The following UBE2E2 variants were observed in gnomAD, a reference collection of about 807,000 sequenced individuals.
UBE2E2 encodes ubiquitin-conjugating enzyme E2 E2.
A neutral mutation model predicts 24.7 loss-of-function variants in UBE2E2; 6 were observed. The ratio of observed to expected loss-of-function variants is 0.24; its 90% CI spans 0.13 to 0.48. The LOEUF is 0.48. UBE2E2 is among the 20% of genes least tolerant of loss of function. UBE2E2 has a pLI of 0.99. For missense variants in UBE2E2, 169 were observed against 245.0 expected (o/e 0.69, Z 2.07); for synonymous variants, 104 against 83.6 (o/e 1.24, Z -1.33).
At chr3:23,561,452 C>G (rs1417539116) in intron 5 of UBE2E2, among the ~76,000 whole-genome samples, 1 of 152,132 alleles carries the variant, frequency 6.6e-6, no homozygotes, top group East Asian at 1.9e-4. Context: ...GGTACCAGTA[C>G]CATGCTGTTT....
intron 3 of UBE2E2, among the ~76,000 whole-genome samples, chr3:23,345,724 T>A (rs1259940640): frequency 3.9e-5 from 6 of 152,226 alleles, no homozygotes; most frequent in Admixed American, 3.9e-4. Context: ...ATTTTTTTAA[T>A]GTCATGTTAA....
intron 5 of UBE2E2, among the ~76,000 whole-genome samples, chr3:23,563,776 G>C (rs1026504314): frequency 6.6e-6 from 1 of 151,984 alleles, no homozygotes; most frequent in Admixed American, 6.6e-5. Context: ...AAATTAAAAG[G>C]ATCATTTATT....
intron 3 of UBE2E2, among the ~76,000 whole-genome samples, chr3:23,326,992 A>C (rs1694908455): frequency 6.6e-6 from 1 of 152,186 alleles, no homozygotes; most frequent in Non-Finnish European, 1.5e-5. Context: ...GTCCCTGCAA[A>C]GGACATGAAC....
At chr3:23,445,071 A>C (rs777572128) in intron 3 of UBE2E2, among the ~76,000 whole-genome samples, 7 of 152,170 alleles carry the variant, frequency 4.6e-5, no homozygotes, top group Non-Finnish European at 8.8e-5. Context: ...TGTCATATTG[A>C]GTGGTTGTCA....
intron 3 of UBE2E2, among the ~76,000 whole-genome samples, chr3:23,383,440 G>T (rs994444761): frequency 5.3e-5 from 8 of 151,176 alleles, no homozygotes; most frequent in Non-Finnish European, 1.2e-4. Context: ...AATAGAAGCC[G>T]ATTGACTTTT....
intron 3 of UBE2E2, among the ~76,000 whole-genome samples, chr3:23,229,288 A>T (rs1696913386): frequency 6.6e-6 from 1 of 152,068 alleles, no homozygotes; most frequent in South Asian, 2.1e-4. Context: ...TTTATTATTT[A>T]TTTTAAGTTT....
At chr3:23,328,662 C>CTTTTTT (rs11433089) in intron 3 of UBE2E2, among the ~76,000 whole-genome samples, 8 of 145,426 alleles carry the variant, frequency 5.5e-5, no homozygotes, top group Non-Finnish European at 4.5e-5. Flanking sequence ...CTCTCTCTCT[C>CTTTTTT]TTTTTTTTTT....
chr3:23,390,181 C>T (rs897664302), intron 3 of UBE2E2, among the ~76,000 whole-genome samples: 8 of 152,124 alleles, frequency 5.3e-5, no homozygotes, highest in African/African-American at 1.7e-4. Context: ...AAGGCCCCAC[C>T]CCTAAGCCTG....
intron 5 of UBE2E2, among the ~76,000 whole-genome samples, chr3:23,545,387 TAAG>T (rs768352501): frequency 2.0e-5 from 3 of 152,226 alleles, no homozygotes; most frequent in Non-Finnish European, 2.9e-5. Context: ...TGATGACTCT[TAAG>T]GAGCATGCTG....
chr3:23,302,173 TA>T (rs1699115202), intron 3 of UBE2E2, among the ~76,000 whole-genome samples: 2 of 152,180 alleles, frequency 1.3e-5, no homozygotes, highest in African/African-American at 4.8e-5. Context: ...CTTCCAGCCA[TA>T]TCCAGTCTGT....
chr3:23,240,450 A>G (rs1174370539), intron 3 of UBE2E2, among the ~76,000 whole-genome samples: 2 of 152,194 alleles, frequency 1.3e-5, no homozygotes, highest in Non-Finnish European at 1.5e-5. Context: ...TGCTTTTACT[A>G]TCAATACTCA....
chr3:23,507,340 T>C (rs948637896), intron 4 of UBE2E2, among the ~76,000 whole-genome samples: 1 of 152,198 alleles, frequency 6.6e-6, no homozygotes, highest in East Asian at 1.9e-4. Context: ...TGGTGTTATA[T>C]ATTTCTTTGT....
chr3:23,299,197 G>A (rs1033320435), intron 3 of UBE2E2, among the ~76,000 whole-genome samples: 1 of 152,034 alleles, frequency 6.6e-6, no homozygotes, highest in African/African-American at 2.4e-5. Flanking sequence ...AGTCTTGCTG[G>A]CGGTCTATCA....
intron 5 of UBE2E2, among the ~76,000 whole-genome samples, chr3:23,538,110 C>CA (rs200503711): frequency 1.3e-5 from 2 of 149,770 alleles, no homozygotes; most frequent in African/African-American, 2.5e-5. Flanking sequence ...AGCAGGACTA[C>CA]AAAAAAAAAA....
intron 3 of UBE2E2, among the ~76,000 whole-genome samples, chr3:23,466,856 C>A (rs944477402): frequency 2.6e-5 from 4 of 151,926 alleles, no homozygotes; most frequent in Non-Finnish European, 5.9e-5. Flanking sequence ...CATGAGCCAC[C>A]GCACTCGGCA....
intron 3 of UBE2E2, among the ~76,000 whole-genome samples, chr3:23,490,167 A>G (rs1403596693): frequency 6.6e-6 from 1 of 152,216 alleles, no homozygotes; most frequent in African/African-American, 2.4e-5. Context: ...CTTCTGTGTT[A>G]TAAAAAAATT....
intron 2 of UBE2E2, among the ~76,000 whole-genome samples, chr3:23,214,944 T>G (rs1000050937): frequency 1.4e-4 from 21 of 152,168 alleles, no homozygotes; most frequent in African/African-American, 5.1e-4. Context: ...CTCATTGAAT[T>G]GTTAATTGAA....
At chr3:23,496,412 C>T (rs530932492) in intron 3 of UBE2E2, among the ~76,000 whole-genome samples, 6 of 152,146 alleles carry the variant, frequency 3.9e-5, no homozygotes, top group African/African-American at 9.7e-5. Flanking sequence ...AACCTCTGCT[C>T]CTACCCAGGA....
chr3:23,354,558 A>C (rs1695878186), intron 3 of UBE2E2, among the ~76,000 whole-genome samples: 1 of 152,246 alleles, frequency 6.6e-6, no homozygotes, highest in Non-Finnish European at 1.5e-5. Context: ...CCCATCAAAA[A>C]GTGGGCGAAG....
Sources: allele counts gnomAD v4.1 joint callset (sites outside exome capture counted in the v4.1 genomes callset), GRCh38; gene constraint gnomAD v4.1.1; transcripts MANE v1.5; gene names NCBI Gene and HGNC (gene_info 2026-07-23, HGNC 2026-07-21).